The following SP7 variants were observed in gnomAD, a reference collection of about 807,000 sequenced individuals.
SP7 encodes Sp7 transcription factor.
In SP7, 13 loss-of-function variants were observed where a neutral mutation model predicts 27.9. The observed-to-expected ratio is 0.47, with a 90% CI of 0.30 to 0.74. The LOEUF (loss-of-function observed/expected upper bound fraction) is 0.74, where lower values mean the gene tolerates loss of function less well. SP7 is among the 30% of genes least tolerant of loss of function. The pLI, the probability that SP7 is intolerant of heterozygous loss-of-function variation, is 0.06. For synonymous variants in SP7, 219 were observed against 226.7 expected (o/e 0.97, Z 0.31); for missense variants, 525 against 558.0 (o/e 0.94, Z 0.60).
At chr12:53,338,926 TG>T (rs1294001022), upstream of SP7, among the ~76,000 whole-genome samples, 1 of 152,154 alleles carries the variant, frequency 6.6e-6, no homozygotes, top group African/African-American at 2.4e-5. Flanking sequence ...CTGGTGTTCC[TG>T]GGTCCAGCTC....
In SP7 at chr12:53,328,701, T is replaced by C; in HGVS notation, c.741A>G (p.Lys247=). The change falls in exon 3 of 3, where the codon AAA becomes AAG. Residue 247 remains lysine (K), a synonymous_variant. Transcript: ENST00000536324. The surrounding 1 kb of genome is among the most constrained non-coding windows in gnomAD (Gnocchi z 5.1). ...CCCCAGTGCTTGCACCCCGTGGGGGTTTGGCTCCACCACTCCCTTCTAGCT... is the reference window on the plus strand; with the variant it reads ...CCCCAGTGCTTGCACCCCGTGGGGGCTTGGCTCCACCACTCCCTTCTAGCT... ...SGQLEGSGGA[K]PPRGASTGGS... 1 of 1,605,536 alleles carries C rather than the reference T, an allele frequency of 6.2e-7. No homozygotes were observed. The highest frequency in any genetic ancestry group is 1.1e-5 in the South Asian group (1 of 90,428).
chr12:53,332,506 A>T (rs1944716891), intron 2 of SP7, among the ~76,000 whole-genome samples: 1 of 152,100 alleles, frequency 6.6e-6, no homozygotes, highest in African/African-American at 2.4e-5. Context: ...TGAGCTAAGT[A>T]GTTAGAGGCT....
rs149810245 is a variant in SP7, at chr12:53,329,437, G to C, written c.22-17C>G. The C allele has an allele frequency of 6.8e-6, 11 of 1,611,576 alleles. No homozygotes were observed. The South Asian group carries it at 1.1e-4, about 16-fold the overall frequency. The stretch of plus-strand genomic sequence containing the variant: ...AACTTCCTCCTGTGGAAAGAGGGAC[G>C]CACTGCTTAGGGAGAGGGGAGGAGA... On this transcript the variant is annotated splice_polypyrimidine_tract_variant and intron_variant, in intron 2 of 2. Coordinates refer to ENST00000536324, the MANE Select transcript of SP7 (RefSeq NM_001173467.3).
upstream of SP7, among the ~76,000 whole-genome samples, chr12:53,339,940 T>G (rs968566937): frequency 1.4e-4 from 22 of 152,022 alleles, no homozygotes; most frequent in African/African-American, 5.3e-4. Context: ...CACCAGAGAA[T>G]AGTGAGCAGA....
chr12:53,334,571 A>G (rs756503516), intron 2 of SP7, among the ~76,000 whole-genome samples: 14 of 152,176 alleles, frequency 9.2e-5, no homozygotes, highest in Non-Finnish European at 2.1e-4. Flanking sequence ...ACCCAAGAAT[A>G]GGGAAGAGTC....
At chr12:53,335,716 TAG>T in intron 1 of SP7, 23 bp from the exon 2 acceptor site, 1 of 1,059,344 alleles carries the variant, frequency 9.4e-7, no homozygotes, top group Non-Finnish European at 1.2e-6. Flanking sequence ...GTGGGGGGGG[TAG>T]AGAGAGAAAA....
intron 2 of SP7, among the ~76,000 whole-genome samples, chr12:53,332,405 C>G (rs527778584): frequency 6.6e-6 from 1 of 152,060 alleles, no homozygotes; most frequent in Non-Finnish European, 1.5e-5. Context: ...TAGTGAAACC[C>G]CATTTCTATA....
At chr12:53,329,552 A>G (rs1944680008) in intron 2 of SP7, 132 bp from the exon 3 acceptor site, 1 of 761,996 alleles carries the variant, frequency 1.3e-6, no homozygotes, top group Non-Finnish European at 2.1e-6. Flanking sequence ...AAGAGGGTGG[A>G]GAATTACAGG....
At chr12:53,337,126 T>C (rs1944780121), upstream of SP7, among the ~76,000 whole-genome samples, 1 of 152,232 alleles carries the variant, frequency 6.6e-6, no homozygotes, top group African/African-American at 2.4e-5. Flanking sequence ...AACCTCCATA[T>C]TCCTTGTCAG....
At position 53,326,930 on chromosome 12, in the gene SP7, C is replaced by T. The variant is rs1423575561; in HGVS notation, c.*1216G>A. On this transcript the variant is annotated 3_prime_UTR_variant, in exon 3 of 3. Coordinates refer to ENST00000536324, the MANE Select transcript of SP7 (RefSeq NM_001173467.3). ...CCTTGCACAGAGTAGGCACTCAATA[C>T]ATACTTATTTGAATCTGATCCTAGA... is the stretch of plus-strand genomic sequence containing the variant. 1 of 11,126 alleles carries T rather than the reference C, an allele frequency of 9.0e-5. No homozygotes were observed. Among genetic ancestry groups the T allele is most frequent in the Non-Finnish European group, 2.9e-3 (1 of 340 alleles). 0.7% of individuals were successfully genotyped at this position (11,126 alleles called of 1,614,324 possible). A position where few individuals can be genotyped will look rare whatever the true frequency, so the allele number is the denominator to read the frequency against.
At chr12:53,341,857 G>A (rs1944825291) in intron 1 of SP7, among the ~76,000 whole-genome samples, 1 of 152,086 alleles carries the variant, frequency 6.6e-6, no homozygotes, top group Non-Finnish European at 1.5e-5. Context: ...TCAGGAGATC[G>A]AGACCATCCT....
At chr12:53,331,879 C>T (rs568234811) in intron 2 of SP7, among the ~76,000 whole-genome samples, 1 of 152,140 alleles carries the variant, frequency 6.6e-6, no homozygotes, top group Non-Finnish European at 1.5e-5. Flanking sequence ...GATGCCAATC[C>T]GAGAGGTGGG....
chr12:53,335,093 T>G (rs1168495473), intron 2 of SP7, among the ~76,000 whole-genome samples: 1 of 151,336 alleles, frequency 6.6e-6, no homozygotes, highest in Non-Finnish European at 1.5e-5. Context: ...CTACCTCCTC[T>G]CCTCCACACA....
intron 2 of SP7, among the ~76,000 whole-genome samples, chr12:53,331,551 A>AGATCT (rs1369340506): frequency 6.6e-6 from 1 of 151,796 alleles, no homozygotes; most frequent in African/African-American, 2.4e-5. Flanking sequence ...ACCACTCTCA[A>AGATCT]GATCTTTACC....
rs1261648303 is a variant in SP7, at chr12:53,326,890, A to C, written c.*1256T>G. The C allele has an allele frequency of 6.6e-6, 1 of 151,926 alleles. No homozygotes were observed. The highest frequency in any genetic ancestry group is 2.4e-5 in the African/African-American group (1 of 41,356). 9.4% of individuals were successfully genotyped at this position (151,926 alleles called of 1,614,324 possible). A position where few individuals can be genotyped will look rare whatever the true frequency, so the allele number is the denominator to read the frequency against. On this transcript the variant is annotated 3_prime_UTR_variant, in exon 3 of 3. Coordinates refer to ENST00000536324, the MANE Select transcript of SP7 (RefSeq NM_001173467.3). The stretch of plus-strand genomic sequence containing the variant: ...TTCTTTCTCAGGGCTTCTAGGCACC[A>C]GATCTAGCATAGTGCCTTGCACAGA...
intron 2 of SP7, among the ~76,000 whole-genome samples, chr12:53,332,772 C>T (rs1944720571): frequency 6.6e-6 from 1 of 152,092 alleles, no homozygotes; most frequent in African/African-American, 2.4e-5. Context: ...GGCCTTCCTA[C>T]CTAAGAGAAA....
intron 1 of SP7, among the ~76,000 whole-genome samples, chr12:53,341,955 T>G (rs551544719): frequency 2.0e-5 from 3 of 151,574 alleles, no homozygotes; most frequent in Admixed American, 6.6e-5. Context: ...AGCTACTTGG[T>G]AGGCTGAGGC....
At chr12:53,334,897 C>T (rs757926225) in intron 2 of SP7, among the ~76,000 whole-genome samples, 11 of 152,216 alleles carry the variant, frequency 7.2e-5, no homozygotes, top group South Asian at 4.1e-4. Flanking sequence ...TGGCCCAGTC[C>T]GCCCTGGAGC....
intron 1 of SP7, among the ~76,000 whole-genome samples, chr12:53,343,402 T>G (rs937019660): frequency 1.3e-5 from 2 of 152,170 alleles, no homozygotes; most frequent in African/African-American, 4.8e-5. Flanking sequence ...GAGAAATGAC[T>G]GACTTCAGAG....
Sources: gnomAD v4.1 joint callset for allele counts (sites outside exome capture counted in the v4.1 genomes callset) on GRCh38, gnomAD v4.1.1 for gene constraint, Gnocchi (gnomAD v3.1) non-coding constraint, MANE v1.5 for transcripts, NCBI Gene and HGNC (gene_info 2026-07-23, HGNC 2026-07-21) for gene names.